Variants in FRMD4A observed in about 807,000 individuals in gnomAD.
FRMD4A encodes FERM domain-containing protein 4A.
FRMD4A carries 29 observed loss-of-function variants against 129.1 expected under a neutral mutation model. The ratio of observed to expected loss-of-function variants is 0.22; its 90% CI spans 0.17 to 0.31. The LOEUF (loss-of-function observed/expected upper bound fraction) is 0.31, where lower values mean the gene tolerates loss of function less well. Among genes scored for constraint, FRMD4A ranks in the 10% least tolerant of loss-of-function variants. The pLI, the probability that FRMD4A is intolerant of heterozygous loss-of-function variation, is 1.00. For missense variants in FRMD4A, 1,272 were observed against 1,375.8 expected (o/e 0.92, Z 1.19); for synonymous variants, 634 against 571.6 (o/e 1.11, Z -1.56).
Position 13,858,919 on chromosome 10 carries a change from G to T in FRMD4A, c.46-7C>A. ...ATCGGCGGCCCTCCGTCATCTAAGA[G>T]GGAAGAGAAATGGTAGTCACTGAGA... On this transcript the variant is annotated splice_region_variant and splice_polypyrimidine_tract_variant and intron_variant, in intron 2 of 24. Coordinates refer to ENST00000357447, the MANE Select transcript of FRMD4A (RefSeq NM_018027.5). 1 of 1,572,128 alleles carries T rather than the reference G, an allele frequency of 6.4e-7. No individual in the cohort carries two copies. The highest frequency in any genetic ancestry group is 1.1e-5 in the South Asian group (1 of 90,164).
At chr10:13,967,108 G>A (rs1490404785) in intron 2 of FRMD4A, among the ~76,000 whole-genome samples, 2 of 152,286 alleles carry the variant, frequency 1.3e-5, no homozygotes, top group East Asian at 1.9e-4. Flanking sequence ...AGGCCGAGGC[G>A]GGCAGATCAC....
chr10:14,229,550 A>G (rs1843565102), intron 2 of FRMD4A, among the ~76,000 whole-genome samples: 1 of 152,098 alleles, frequency 6.6e-6, no homozygotes, highest in East Asian at 1.9e-4. Flanking sequence ...AGATCCTCCC[A>G]CTGCAGCCTC....
chr10:14,026,627 G>A (rs1832998212), intron 2 of FRMD4A, among the ~76,000 whole-genome samples: 1 of 152,226 alleles, frequency 6.6e-6, no homozygotes, highest in Non-Finnish European at 1.5e-5. Context: ...GGCTAACTGA[G>A]CTACAGACCT....
intron 2 of FRMD4A, among the ~76,000 whole-genome samples, chr10:14,100,635 T>C (rs940835102): frequency 1.3e-5 from 2 of 152,122 alleles, no homozygotes; most frequent in Admixed American, 6.5e-5. Flanking sequence ...TGAATCAATA[T>C]GAGAAAAGCC....
intron 8 of FRMD4A, chr10:13,755,977 A>G (rs775501414): frequency 6.6e-6 from 1 of 152,272 alleles, no homozygotes; most frequent in Non-Finnish European, 1.5e-5. Context: ...AGAGCCAGGT[A>G]GGCAAAACGT....
intron 5 of FRMD4A, among the ~76,000 whole-genome samples, chr10:13,783,744 T>C (rs1036859460): frequency 6.6e-6 from 1 of 152,188 alleles, no homozygotes; most frequent in Non-Finnish European, 1.5e-5. Context: ...CCGAAGGTGG[T>C]GAAGTGTGAT....
In FRMD4A at chr10:13,704,827, T is replaced by G. The variant is rs143475743; in HGVS notation, c.836+2210A>C. On this transcript the variant is annotated intron_variant, in intron 13 of 24. Transcript: ENST00000357447. ...GGCTCACGCCTGTAATCCCAGCACT[T>G]TGAGAGGCCAAGATGGGAGGATTGC... Among the ~76,000 whole-genome samples, 1,448 of 152,078 alleles carry G rather than the reference T, an allele frequency of 9.5e-3. 22 individuals carry two copies. The highest frequency in any genetic ancestry group is 0.032 in the African/African-American group (1,347 of 41,490).
chr10:14,091,806 C>A (rs879481475), intron 2 of FRMD4A, among the ~76,000 whole-genome samples: 4 of 152,202 alleles, frequency 2.6e-5, no homozygotes, highest in Admixed American at 6.5e-5. Context: ...AGAAGCTTGG[C>A]ACTTATTTAC....
intron 2 of FRMD4A, among the ~76,000 whole-genome samples, chr10:13,992,428 A>T (rs1226576330): frequency 1.3e-5 from 2 of 152,160 alleles, no homozygotes; most frequent in Non-Finnish European, 2.9e-5. Context: ...GCAAACTCCC[A>T]TGCCTGGCCT....
intron 12 of FRMD4A, among the ~76,000 whole-genome samples, chr10:13,720,746 C>T (rs1293095864): frequency 6.6e-6 from 1 of 152,088 alleles, no homozygotes; most frequent in Non-Finnish European, 1.5e-5. Flanking sequence ...CAGAAAGAAA[C>T]CAGGGGCAAA....
At chr10:13,990,332 T>A (rs1347680665) in intron 2 of FRMD4A, among the ~76,000 whole-genome samples, 2 of 152,224 alleles carry the variant, frequency 1.3e-5, no homozygotes, top group East Asian at 1.9e-4. Flanking sequence ...GTGAGACCCA[T>A]CCAGAGGGGA....
At chr10:13,768,318 A>G (rs80068779) in intron 6 of FRMD4A, among the ~76,000 whole-genome samples, 2,121 of 152,242 alleles carry the variant, frequency 0.014, 91 homozygotes, top group South Asian at 0.12. Context: ...GGTGTTACGG[A>G]TGTTCTCCAA....
At chr10:13,772,157 T>C (rs2092473485) in intron 6 of FRMD4A, among the ~76,000 whole-genome samples, 1 of 137,790 alleles carries the variant, frequency 7.3e-6, no homozygotes, top group South Asian at 2.2e-4. Context: ...TAAAGATATA[T>C]AATATATAAT....
At chr10:14,096,540 C>T (rs1417030284) in intron 2 of FRMD4A, among the ~76,000 whole-genome samples, 1 of 152,228 alleles carries the variant, frequency 6.6e-6, no homozygotes. Flanking sequence ...CAAATAATTA[C>T]TTCTTAACCC....
At chr10:14,169,003 C>T (rs561166116) in intron 2 of FRMD4A, among the ~76,000 whole-genome samples, 3 of 152,162 alleles carry the variant, frequency 2.0e-5, no homozygotes, top group Admixed American at 6.5e-5. Flanking sequence ...TTCCTGTTTG[C>T]ACCCAACTGA....
At position 14,319,221 on chromosome 10, in the gene FRMD4A, C is replaced by T. The variant is rs369637205; in HGVS notation, c.45+10837G>A. Among the ~76,000 whole-genome samples, 72 of 152,248 alleles carry T rather than the reference C, an allele frequency of 4.7e-4. 1 individual carries two copies. Among genetic ancestry groups the T allele is most frequent in the African/African-American group, 1.6e-3 (66 of 41,544 alleles). On this transcript the variant is annotated intron_variant, in intron 2 of 24. Transcript: ENST00000357447. ...AGTGTGGAACAGAGACAAGCCATTC[C>T]CACTGTACTCTGTTGGAACTCCTGA...
At chr10:13,858,462 C>T (rs1270202119) in intron 3 of FRMD4A, among the ~76,000 whole-genome samples, 1 of 152,128 alleles carries the variant, frequency 6.6e-6, no homozygotes, top group East Asian at 1.9e-4. Context: ...AAAAAACAAA[C>T]AAAAAGAACC....
chr10:13,842,464 T>A (rs1239317923), intron 3 of FRMD4A, among the ~76,000 whole-genome samples: 2 of 152,198 alleles, frequency 1.3e-5, no homozygotes, highest in Non-Finnish European at 2.9e-5. Flanking sequence ...GTTGGTTTCC[T>A]TATCTCTAAA....
chr10:13,793,509 G>A (rs10906488), intron 5 of FRMD4A, among the ~76,000 whole-genome samples: 79,664 of 151,816 alleles, frequency 0.52, 23,493 homozygotes, highest in East Asian at 0.73. Context: ...CTTTGCCAAC[G>A]AAGGCTACCT....
Sources: allele counts gnomAD v4.1 joint callset (sites outside exome capture counted in the v4.1 genomes callset), GRCh38; gene constraint gnomAD v4.1.1; transcripts MANE v1.5; gene names NCBI Gene and HGNC (gene_info 2026-07-23, HGNC 2026-07-21).